Variants in FAR2 observed in about 807,000 individuals in gnomAD.
FAR2 encodes the protein fatty acyl-CoA reductase 2.
Under a neutral mutation model 56.0 loss-of-function variants are expected in FAR2, and 19 were observed. The ratio of observed to expected loss-of-function variants is 0.34; its 90% CI spans 0.24 to 0.50. The LOEUF (loss-of-function observed/expected upper bound fraction) is 0.50. FAR2 is among the 20% of genes least tolerant of loss of function. FAR2 has a pLI of 0.98. For synonymous variants in FAR2, 219 were observed against 218.8 expected (o/e 1.00, Z -0.01); for missense variants, 508 against 642.2 (o/e 0.79, Z 2.26).
chr12:29,263,852 G>A (rs1473744106), intron 1 of FAR2, among the ~76,000 whole-genome samples: 2 of 151,790 alleles, frequency 1.3e-5, no homozygotes, highest in African/African-American at 2.4e-5. Flanking sequence ...TTATTTGATG[G>A]CTTCACTGCT....
At chr12:29,259,137 A>G (rs1036232634) in intron 1 of FAR2, among the ~76,000 whole-genome samples, 4 of 152,230 alleles carry the variant, frequency 2.6e-5, no homozygotes, top group African/African-American at 7.2e-5. Flanking sequence ...AAGGTTCTAG[A>G]AAAATGGTTC....
At chr12:29,219,028 A>T (rs1246479997) in intron 1 of FAR2, among the ~76,000 whole-genome samples, 1 of 152,090 alleles carries the variant, frequency 6.6e-6, no homozygotes, top group Non-Finnish European at 1.5e-5. Context: ...AGCTGGGACT[A>T]CAAGCACATG....
intron 1 of FAR2, among the ~76,000 whole-genome samples, chr12:29,193,088 A>AC (rs1555179477): frequency 6.6e-6 from 1 of 151,230 alleles, no homozygotes; most frequent in Non-Finnish European, 1.5e-5. Flanking sequence ...TAAAGCTTTT[A>AC]TTTTTTTTTA....
chr12:29,232,821 GCACACACACA>G (rs71042969), intron 1 of FAR2, among the ~76,000 whole-genome samples: 2 of 145,950 alleles, frequency 1.4e-5, no homozygotes, highest in South Asian at 2.2e-4. Context: ...ACGCGCTCGC[GCACACACACA>G]CACACACACA....
rs189664321 is a variant in FAR2 at position 29,260,065 on chromosome 12, A to G, written c.-38-10347A>G. On this transcript the variant is annotated intron_variant, in intron 1 of 11. Transcript: ENST00000536681. ...CTATTATTGACTGTAAAACTATTTT[A>G]GTTTAAAAAATAATTAATGTAATTA... Among the ~76,000 whole-genome samples, 528 of 152,298 alleles carry G rather than the reference A, an allele frequency of 3.5e-3. 4 individuals carry two copies. The highest frequency in any genetic ancestry group is 5.7e-3 in the Non-Finnish European group (386 of 68,016).
At chr12:29,265,244 A>C (rs1948494831) in intron 1 of FAR2, among the ~76,000 whole-genome samples, 1 of 152,164 alleles carries the variant, frequency 6.6e-6, no homozygotes. Flanking sequence ...AAAGAATAAA[A>C]CTGGAGGAAT....
Position 29,180,011 on chromosome 12 carries a change from A to G in FAR2, c.-39+30604A>G, listed in dbSNP as rs118043800. 3.3e-5 allele frequency among the ~76,000 whole-genome samples: 5 copies of G among 152,324 alleles called. No individual in the cohort carries two copies. In the East Asian group the frequency reaches 9.6e-4, roughly 29 times the overall value. Reference sequence around the variant, plus strand: ...CTTGGGTGTTTATCTCATATTTGCAATGGAAAATCCTCTTTAAGAGCAACC... The same window carrying G: ...CTTGGGTGTTTATCTCATATTTGCAGTGGAAAATCCTCTTTAAGAGCAACC... On this transcript the variant is annotated intron_variant, in intron 1 of 11. Transcript: ENST00000536681.
At chr12:29,185,363 A>C (rs1297378715) in intron 1 of FAR2, among the ~76,000 whole-genome samples, 1 of 152,230 alleles carries the variant, frequency 6.6e-6, no homozygotes, top group African/African-American at 2.4e-5. Context: ...TGAGAGAGAA[A>C]GTTTATTGTT....
intron 1 of FAR2, among the ~76,000 whole-genome samples, chr12:29,267,350 A>G (rs1017568130): frequency 2.0e-5 from 3 of 152,230 alleles, no homozygotes; most frequent in Admixed American, 6.5e-5. Flanking sequence ...AGAGTTTTGC[A>G]TGTATTCACT....
chr12:29,248,611 C>G (rs1273701991), intron 1 of FAR2, among the ~76,000 whole-genome samples: 1 of 152,186 alleles, frequency 6.6e-6, no homozygotes, highest in Non-Finnish European at 1.5e-5. Context: ...GCACCATTGT[C>G]ATTGATAACA....
intron 10 of FAR2, among the ~76,000 whole-genome samples, chr12:29,323,756 T>C (rs532896523): frequency 1.2e-4 from 18 of 151,992 alleles, no homozygotes; most frequent in Admixed American, 2.0e-4. Flanking sequence ...TATGTCACCA[T>C]CATCAAAGAC....
At chr12:29,250,453 A>AATAG (rs1392796959) in intron 1 of FAR2, among the ~76,000 whole-genome samples, 1 of 152,218 alleles carries the variant, frequency 6.6e-6, no homozygotes, top group Admixed American at 6.5e-5. Flanking sequence ...AAGAGTTAGT[A>AATAG]ATAGATCAGA....
intron 2 of FAR2, among the ~76,000 whole-genome samples, chr12:29,273,457 T>A (rs1591916541): frequency 6.6e-6 from 1 of 152,058 alleles, no homozygotes; most frequent in Admixed American, 6.5e-5. Flanking sequence ...GCTGCCACGG[T>A]GTGTAGGGCT....
intron 1 of FAR2, among the ~76,000 whole-genome samples, chr12:29,169,928 G>C (rs560868924): frequency 1.3e-5 from 2 of 152,248 alleles, no homozygotes; most frequent in East Asian, 3.9e-4. Context: ...CACAGATAGG[G>C]TATGATTTCC....
chr12:29,208,560 C>T (rs747233586), intron 1 of FAR2, among the ~76,000 whole-genome samples: 33 of 152,176 alleles, frequency 2.2e-4, no homozygotes, highest in Non-Finnish European at 3.8e-4. Context: ...CAAAGGTTTA[C>T]TGTGGTTGGC....
At chr12:29,158,212 T>C (rs1317860864) in intron 1 of FAR2, among the ~76,000 whole-genome samples, 1 of 152,212 alleles carries the variant, frequency 6.6e-6, no homozygotes, top group Admixed American at 6.5e-5. Context: ...ATTTCTCTAT[T>C]TCACTGTAAC....
intron 1 of FAR2, among the ~76,000 whole-genome samples, chr12:29,215,209 A>C (rs1947608391): frequency 6.6e-6 from 1 of 152,250 alleles, no homozygotes; most frequent in South Asian, 2.1e-4. Flanking sequence ...TTTGATTAAC[A>C]AAAATAGATA....
intron 1 of FAR2, among the ~76,000 whole-genome samples, chr12:29,201,063 C>T (rs546770832): frequency 8.5e-5 from 13 of 152,206 alleles, no homozygotes; most frequent in South Asian, 8.3e-4. Context: ...GGAGTGCTGC[C>T]GCAACTATCC....
chr12:29,197,487 C>T (rs1179206813), intron 1 of FAR2, among the ~76,000 whole-genome samples: 1 of 152,168 alleles, frequency 6.6e-6, no homozygotes, highest in Non-Finnish European at 1.5e-5. Context: ...CTTCCAACAA[C>T]TTATGATAGG....
Sources: allele counts gnomAD v4.1 joint callset (sites outside exome capture counted in the v4.1 genomes callset), GRCh38; gene constraint gnomAD v4.1.1; transcripts MANE v1.5; gene names NCBI Gene and HGNC (gene_info 2026-07-23, HGNC 2026-07-21).